The following OPCML variants were observed in gnomAD, a reference collection of about 807,000 sequenced individuals.
OPCML encodes opioid-binding protein/cell adhesion molecule.
Under a neutral mutation model 37.8 loss-of-function variants are expected in OPCML, and 13 were observed. That is an observed-to-expected ratio of 0.34 (90% confidence interval 0.22 to 0.55). The LOEUF (loss-of-function observed/expected upper bound fraction) is 0.55, where lower values mean the gene tolerates loss of function less well. Ranked by LOEUF, OPCML falls within the 20% of genes least tolerant of loss-of-function variation. The pLI is 0.91. For missense variants in OPCML, 341 were observed against 435.6 expected, an observed-to-expected ratio of 0.78 and a Z score of 1.93; for synonymous variants, 176 against 168.8, an observed-to-expected ratio of 1.04 and a Z score of -0.33.
chr11:133,114,483 CCTAA>C (rs1478019648), intron 1 of OPCML, among the ~76,000 whole-genome samples: 1 of 152,184 alleles, frequency 6.6e-6, no homozygotes, highest in Non-Finnish European at 1.5e-5. Flanking sequence ...AAATCAGTCT[CCTAA>C]CTGTCTTCTT....
intron 1 of OPCML, among the ~76,000 whole-genome samples, chr11:133,232,706 C>G (rs1195722994): frequency 1.3e-5 from 2 of 152,092 alleles, no homozygotes; most frequent in Non-Finnish European, 2.9e-5. Flanking sequence ...TACTTATTTA[C>G]TTATTAGATT....
chr11:133,531,744 GGAGA>G lies in OPCML; in HGVS notation c.61+516_61+519del, dbSNP rs10567773. ...GAGGAGAGTGGGGAGAGGTGGAGAGGGAGAGAGAGAGAGAGAGAGAGAGAGAGAA... is the reference window on the plus strand; with the variant it reads ...GAGGAGAGTGGGGAGAGGTGGAGAGGGAGAGAGAGAGAGAGAGAGAGAGAA... On this transcript the variant is annotated intron_variant, in intron 1 of 7. Transcript: ENST00000524381. Among the ~76,000 whole-genome samples, 1,019 of 137,202 alleles carry G rather than the reference GGAGA, an allele frequency of 7.4e-3. 17 individuals are homozygous for G. The highest frequency in any genetic ancestry group is 0.025 in the African/African-American group (899 of 36,544). 90.0% of individuals were successfully genotyped at this position (137,202 alleles called of 152,430 possible).
intron 1 of OPCML, among the ~76,000 whole-genome samples, chr11:133,228,859 G>C (rs1042336212): frequency 2.0e-5 from 3 of 152,246 alleles, no homozygotes; most frequent in Non-Finnish European, 4.4e-5. Context: ...TCCAGGAAAA[G>C]GAAATCAGTT....
chr11:132,661,619 G>T (rs1454935314), intron 2 of OPCML, among the ~76,000 whole-genome samples: 2 of 152,188 alleles, frequency 1.3e-5, no homozygotes, highest in Non-Finnish European at 2.9e-5. Flanking sequence ...CAAGAGGCAA[G>T]TTGAGGAAGG....
At chr11:132,944,214 G>C (rs1423404218) in intron 1 of OPCML, among the ~76,000 whole-genome samples, 7 of 152,260 alleles carry the variant, frequency 4.6e-5, no homozygotes, top group Non-Finnish European at 1.5e-5. Flanking sequence ...GGGAGGGAGA[G>C]GGGAGGGCGG....
chr11:132,515,380 A>G (rs769572593), intron 4 of OPCML, among the ~76,000 whole-genome samples: 4 of 152,184 alleles, frequency 2.6e-5, no homozygotes, highest in Non-Finnish European at 4.4e-5. Flanking sequence ...TTTGCAGGCT[A>G]CAAGGAGGGA....
At chr11:132,647,412 T>C (rs1941208595) in intron 3 of OPCML, among the ~76,000 whole-genome samples, 1 of 152,164 alleles carries the variant, frequency 6.6e-6, no homozygotes. Context: ...CCCACACAGT[T>C]GAAAATCTGC....
At chr11:132,907,994 C>CAT (rs1211336422) in intron 2 of OPCML, among the ~76,000 whole-genome samples, 10 of 152,098 alleles carry the variant, frequency 6.6e-5, no homozygotes, top group Non-Finnish European at 1.0e-4. Context: ...AGTTCCAAAA[C>CAT]ATATTGTGTC....
chr11:132,927,992 T>A (rs2659617), intron 2 of OPCML, among the ~76,000 whole-genome samples: 31,555 of 151,880 alleles, frequency 0.21, 3,452 homozygotes, highest in East Asian at 0.34. Flanking sequence ...GAATGAGAAT[T>A]AATCAAAATG....
intron 1 of OPCML, chr11:133,004,188 G>T (rs1947063656): frequency 2.0e-6 from 2 of 985,438 alleles, no homozygotes; most frequent in Non-Finnish European, 2.4e-6. Context: ...CTCATCTGAG[G>T]CCTCCTCCAT....
intron 2 of OPCML, among the ~76,000 whole-genome samples, chr11:132,743,739 G>A (rs1452009556): frequency 1.3e-5 from 2 of 152,178 alleles, no homozygotes; most frequent in African/African-American, 4.8e-5. Flanking sequence ...ATGTCTTCCT[G>A]AGGTTAAATC....
At chr11:132,823,726 C>T (rs1255534416) in intron 2 of OPCML, among the ~76,000 whole-genome samples, 1 of 152,116 alleles carries the variant, frequency 6.6e-6, no homozygotes, top group Admixed American at 6.6e-5. Context: ...TCCACTTACT[C>T]TCAATCCATC....
intron 1 of OPCML, among the ~76,000 whole-genome samples, chr11:133,469,336 G>A (rs922791215): frequency 1.3e-5 from 2 of 152,156 alleles, no homozygotes; most frequent in African/African-American, 4.8e-5. Context: ...TGCCTACAGT[G>A]TCAGCACAGT....
At chr11:133,120,194 A>G (rs1387005754) in intron 1 of OPCML, among the ~76,000 whole-genome samples, 1 of 152,208 alleles carries the variant, frequency 6.6e-6, no homozygotes, top group Non-Finnish European at 1.5e-5. Context: ...GTGTGTATAC[A>G]TATTCTAACA....
chr11:132,784,052 T>C (rs751336208), intron 2 of OPCML, among the ~76,000 whole-genome samples: 3 of 152,142 alleles, frequency 2.0e-5, no homozygotes, highest in Admixed American at 1.3e-4. Context: ...CTAAATATAC[T>C]AAATGAATAA....
chr11:132,948,428 G>A (rs1945792386), intron 1 of OPCML, among the ~76,000 whole-genome samples: 1 of 152,230 alleles, frequency 6.6e-6, no homozygotes, highest in Non-Finnish European at 1.5e-5. Context: ...GGCAGTGGGG[G>A]TGGTTCTAGT....
At chr11:132,514,473 C>G (rs1008274107) in intron 4 of OPCML, among the ~76,000 whole-genome samples, 1 of 152,080 alleles carries the variant, frequency 6.6e-6, no homozygotes. Flanking sequence ...TAAGGATGTA[C>G]AGTCAAGCCC....
intron 1 of OPCML, among the ~76,000 whole-genome samples, chr11:133,124,609 G>A (rs1006817304): frequency 6.6e-6 from 1 of 152,144 alleles, no homozygotes; most frequent in Non-Finnish European, 1.5e-5. Context: ...CCCCACTGCA[G>A]AGCCCAGCAG....
chr11:133,082,778 C>T (rs950053020), intron 1 of OPCML, among the ~76,000 whole-genome samples: 1 of 147,646 alleles, frequency 6.8e-6, no homozygotes, highest in Non-Finnish European at 1.5e-5. Context: ...GCGGCCTCCC[C>T]GCCCCGGCGC....
Sources: gnomAD v4.1 joint callset for allele counts (sites outside exome capture counted in the v4.1 genomes callset) on GRCh38, gnomAD v4.1.1 for gene constraint, MANE v1.5 for transcripts, NCBI Gene and HGNC (gene_info 2026-07-23, HGNC 2026-07-21) for gene names.